TMEM132D: variants seen among roughly 807,000 people sequenced by gnomAD.
TMEM132D encodes transmembrane protein 132D.
A neutral mutation model predicts 62.3 loss-of-function variants in TMEM132D; 21 were observed. That is an observed-to-expected ratio of 0.34 (90% CI 0.24 to 0.49). TMEM132D has a LOEUF of 0.49. Among genes scored for constraint, TMEM132D ranks in the 20% least tolerant of loss-of-function variants. TMEM132D has a pLI of 0.99. For missense variants in TMEM132D, 1,346 were observed against 1,402.8 expected, an observed-to-expected ratio of 0.96 and a Z score of 0.65; for synonymous variants, 621 against 575.6, an observed-to-expected ratio of 1.08 and a Z score of -1.13.
intron 3 of TMEM132D, among the ~76,000 whole-genome samples, chr12:129,399,639 C>A (rs530284506): frequency 1.1e-3 from 148 of 130,682 alleles, no homozygotes; most frequent in South Asian, 1.2e-3. Flanking sequence ...GAGGACGTCT[C>A]AAAAAAAAAA....
chr12:129,834,945 G>A (rs866475840), intron 1 of TMEM132D, among the ~76,000 whole-genome samples: 1 of 152,108 alleles, frequency 6.6e-6, no homozygotes, highest in African/African-American at 2.4e-5. Flanking sequence ...GAAGGGAGAG[G>A]AACAAACAGC....
chr12:129,559,079 G>A (rs78142029), intron 2 of TMEM132D, among the ~76,000 whole-genome samples: 1 of 152,282 alleles, frequency 6.6e-6, no homozygotes, highest in African/African-American at 2.4e-5. Flanking sequence ...GACCATTAGA[G>A]TAATCCACTT....
At chr12:129,278,198 G>C (rs759926397) in intron 4 of TMEM132D, among the ~76,000 whole-genome samples, 3 of 152,282 alleles carry the variant, frequency 2.0e-5, no homozygotes, top group African/African-American at 7.2e-5. Context: ...GAGAAACGCA[G>C]CAGCCAAGTT....
intron 2 of TMEM132D, among the ~76,000 whole-genome samples, chr12:129,541,822 TATG>T (rs1211584504): frequency 6.6e-6 from 1 of 152,178 alleles, no homozygotes; most frequent in African/African-American, 2.4e-5. Context: ...CAATTTTAGC[TATG>T]ATGATGATTA....
chr12:129,147,587 A>T, intron 5 of TMEM132D, among the ~76,000 whole-genome samples: 1 of 152,080 alleles, frequency 6.6e-6, no homozygotes, highest in Non-Finnish European at 1.5e-5. Context: ...TTCTCCCTCC[A>T]GTACAAGACC....
rs80198824 is a variant in TMEM132D, at chr12:129,223,294, A to C, written c.1300-13631T>G. ...TTGCTACTTCCGAGGCTAGGTCCTAAAAGCCAAGACAGCTCCAACCTTGTT... is the reference window on the plus strand; with the variant it reads ...TTGCTACTTCCGAGGCTAGGTCCTACAAGCCAAGACAGCTCCAACCTTGTT... On this transcript the variant is annotated intron_variant, in intron 4 of 8. Transcript: ENST00000422113. Among the ~76,000 whole-genome samples the C allele has an allele frequency of 9.1e-3, 1,378 of 152,026 alleles. 38 individuals carry two copies. Among genetic ancestry groups the C allele is most frequent in the Admixed American group, 0.059 (908 of 15,284 alleles).
chr12:129,584,769 C>A (rs184559371), intron 2 of TMEM132D, among the ~76,000 whole-genome samples: 1 of 152,182 alleles, frequency 6.6e-6, no homozygotes, highest in Non-Finnish European at 1.5e-5. Flanking sequence ...CTGGCATGTT[C>A]TCAGACAGTG....
intron 2 of TMEM132D, among the ~76,000 whole-genome samples, chr12:129,563,752 C>T (rs1252480799): frequency 6.6e-6 from 1 of 151,784 alleles, no homozygotes; most frequent in African/African-American, 2.4e-5. Flanking sequence ...GACATTCAAC[C>T]CACAGACAGA....
At chr12:129,624,803 CT>C (rs1368208958) in intron 2 of TMEM132D, among the ~76,000 whole-genome samples, 1 of 151,722 alleles carries the variant, frequency 6.6e-6, no homozygotes, top group Non-Finnish European at 1.5e-5. Context: ...AGGCCAGCCT[CT>C]CAGGCACAGG....
Position 129,751,223 on chromosome 12 carries a change from C to T in TMEM132D, c.80-50525G>A, listed in dbSNP as rs117760124. 5.6e-3 allele frequency among the ~76,000 whole-genome samples: 846 copies of T among 152,256 alleles called. 3 individuals are homozygous for T. The highest frequency in any genetic ancestry group is 0.024 in the Middle Eastern group (7 of 294). On this transcript the variant is annotated intron_variant, in intron 1 of 8. Coordinates refer to ENST00000422113, the MANE Select transcript of TMEM132D (RefSeq NM_133448.3). ...CTACAGGAATCATGACTGGGGGAGCCTCAGGAAACTTACAATCATGGTGGG... is the reference window on the plus strand; with the variant it reads ...CTACAGGAATCATGACTGGGGGAGCTTCAGGAAACTTACAATCATGGTGGG...
At chr12:129,355,944 G>C (rs917459630) in intron 3 of TMEM132D, among the ~76,000 whole-genome samples, 1 of 152,114 alleles carries the variant, frequency 6.6e-6, no homozygotes, top group Non-Finnish European at 1.5e-5. Context: ...CAGCAGGATC[G>C]CTTGCCCTCC....
At chr12:129,540,768 G>C (rs1472584993) in intron 2 of TMEM132D, among the ~76,000 whole-genome samples, 2 of 152,264 alleles carry the variant, frequency 1.3e-5, no homozygotes, top group East Asian at 3.9e-4. Context: ...GAGATTACAG[G>C]TGTGAGCCAC....
At chr12:129,888,163 ATATT>A (rs903923887) in intron 1 of TMEM132D, among the ~76,000 whole-genome samples, 2 of 152,242 alleles carry the variant, frequency 1.3e-5, no homozygotes, top group Non-Finnish European at 2.9e-5. Flanking sequence ...CATAATGCAA[ATATT>A]TAATCACAAC....
At chr12:129,463,910 T>C (rs1449108688) in intron 3 of TMEM132D, among the ~76,000 whole-genome samples, 3 of 150,742 alleles carry the variant, frequency 2.0e-5, no homozygotes, top group East Asian at 1.9e-4. Context: ...GTCTTTGCTA[T>C]TGTGAATAGT....
At chr12:129,851,742 A>G (rs1250264486) in intron 1 of TMEM132D, among the ~76,000 whole-genome samples, 1 of 152,168 alleles carries the variant, frequency 6.6e-6, no homozygotes, top group Non-Finnish European at 1.5e-5. Flanking sequence ...AACACTGTCT[A>G]TGTCAGGGGC....
At chr12:129,616,611 G>C (rs1039209923) in intron 2 of TMEM132D, among the ~76,000 whole-genome samples, 1 of 152,150 alleles carries the variant, frequency 6.6e-6, no homozygotes, top group African/African-American at 2.4e-5. Flanking sequence ...ATTCTCACAA[G>C]ATCTGATGGT....
intron 1 of TMEM132D, among the ~76,000 whole-genome samples, chr12:129,703,465 CTT>C (rs11392426): frequency 6.8e-6 from 1 of 147,690 alleles, no homozygotes; most frequent in African/African-American, 2.5e-5. Flanking sequence ...CACTTCCTTT[CTT>C]TTTTTTTTTT....
intron 3 of TMEM132D, among the ~76,000 whole-genome samples, chr12:129,413,030 T>C (rs1266255074): frequency 6.6e-6 from 1 of 152,222 alleles, no homozygotes; most frequent in African/African-American, 2.4e-5. Flanking sequence ...AGTAGTCCAG[T>C]TTCTGCCACT....
In TMEM132D at chr12:129,572,342, G is replaced by A. The variant is rs149953705; in HGVS notation, c.969-41137C>T. ...GGGCAGAGGGAGGCCTGCCCTGGAC[G>A]GTGCCCGGTGTCCCACACAGGGTCT... On this transcript the variant is annotated intron_variant, in intron 2 of 8. Coordinates refer to ENST00000422113, the MANE Select transcript of TMEM132D (RefSeq NM_133448.3). 5.6e-4 allele frequency among the ~76,000 whole-genome samples: 85 copies of A among 152,376 alleles called. No homozygotes were observed. In the East Asian group the frequency reaches 0.013, roughly 23 times the overall value.
Sources: allele counts gnomAD v4.1 joint callset (sites outside exome capture counted in the v4.1 genomes callset), GRCh38; gene constraint gnomAD v4.1.1; transcripts MANE v1.5; gene names NCBI Gene and HGNC (gene_info 2026-07-23, HGNC 2026-07-21).